The following MPPED2 variants were observed in gnomAD, a reference collection of about 807,000 sequenced individuals.
MPPED2 encodes metallophosphoesterase MPPED2.
MPPED2 carries 5 observed loss-of-function variants against 33.0 expected under a neutral mutation model. That is an observed-to-expected ratio of 0.15 (90% CI 0.08 to 0.32). The LOEUF is 0.32. Ranked by LOEUF, MPPED2 falls within the 10% of genes least tolerant of loss-of-function variation. The pLI is 1.00. For synonymous variants in MPPED2, 136 were observed against 141.9 expected (o/e 0.96, Z 0.29); for missense variants, 275 against 372.1 (o/e 0.74, Z 2.15).
intron 5 of MPPED2, among the ~76,000 whole-genome samples, chr11:30,416,245 G>A (rs185260766): frequency 2.6e-4 from 40 of 152,358 alleles, no homozygotes; most frequent in African/African-American, 8.9e-4. Flanking sequence ...TCCCATGTCT[G>A]CAACAGAGCT....
At chr11:30,436,115 C>T (rs189816912) in intron 4 of MPPED2, among the ~76,000 whole-genome samples, 149 of 132,702 alleles carry the variant, frequency 1.1e-3, no homozygotes, top group African/African-American at 4.1e-3. Context: ...GATAAGAGAG[C>T]TTAGTATTTT....
rs1481682526 is a variant in MPPED2 at position 30,410,990 on chromosome 11, T to C, written c.*478A>G. ...CTTCTGTTGAGAAGATTGCTATAAA[T>C]TGGGACCACATCTGCAAAAAAGAAG... On this transcript the variant is annotated 3_prime_UTR_variant, in exon 7 of 7. Coordinates refer to ENST00000358117, the MANE Select transcript of MPPED2 (RefSeq NM_001584.3). 2.0e-6 allele frequency: 2 copies of C among 985,630 alleles called. No homozygotes were observed. Among genetic ancestry groups the C allele is most frequent in the Non-Finnish European group, 2.4e-6 (2 of 829,940 alleles). The allele number at this position is 985,630 out of a possible 1,614,324, so 61.1% of individuals were successfully genotyped here.
intron 3 of MPPED2, among the ~76,000 whole-genome samples, chr11:30,498,517 C>T (rs945911149): frequency 1.9e-4 from 28 of 149,374 alleles, no homozygotes; most frequent in Admixed American, 5.4e-4. Flanking sequence ...CACTGTACTC[C>T]AGCCTGGGTG....
chr11:30,505,672 C>T (rs901396628), intron 3 of MPPED2, among the ~76,000 whole-genome samples: 10 of 152,254 alleles, frequency 6.6e-5, no homozygotes, highest in Non-Finnish European at 1.3e-4. Context: ...ATTAGAAAAC[C>T]GCATCCAAAT....
intron 6 of MPPED2, among the ~76,000 whole-genome samples, chr11:30,413,010 C>T (rs1361249866): frequency 6.6e-6 from 1 of 152,154 alleles, no homozygotes; most frequent in Non-Finnish European, 1.5e-5. Flanking sequence ...TCCATCATAC[C>T]TTAGGGCAGT....
chr11:30,559,815 T>A (rs1035900652), intron 2 of MPPED2, among the ~76,000 whole-genome samples: 1 of 152,268 alleles, frequency 6.6e-6, no homozygotes, highest in Non-Finnish European at 1.5e-5. Flanking sequence ...TCATTATGAC[T>A]GGCATGCCTT....
intron 2 of MPPED2, among the ~76,000 whole-genome samples, chr11:30,560,768 T>G (rs985874337): frequency 2.4e-4 from 37 of 152,352 alleles, no homozygotes; most frequent in African/African-American, 8.2e-4. Context: ...AAATGCAATC[T>G]TGCTGATTAC....
chr11:30,481,399 C>A (rs1455082721), intron 4 of MPPED2, among the ~76,000 whole-genome samples: 2 of 152,114 alleles, frequency 1.3e-5, no homozygotes, highest in Non-Finnish European at 2.9e-5. Flanking sequence ...CGTATAAAAA[C>A]CAAATTTCAC....
At chr11:30,454,986 A>C (rs1950220112) in intron 4 of MPPED2, among the ~76,000 whole-genome samples, 1 of 152,218 alleles carries the variant, frequency 6.6e-6, no homozygotes, top group Non-Finnish European at 1.5e-5. Context: ...TGTACTCAAC[A>C]CATTTAGATC....
At chr11:30,549,252 C>T (rs1293498208) in intron 2 of MPPED2, among the ~76,000 whole-genome samples, 1 of 152,176 alleles carries the variant, frequency 6.6e-6, no homozygotes, top group South Asian at 2.1e-4. Context: ...GGTTATATGT[C>T]ATTTCTACAT....
chr11:30,505,904 A>G (rs1206411517), intron 3 of MPPED2, among the ~76,000 whole-genome samples: 1 of 152,200 alleles, frequency 6.6e-6, no homozygotes, highest in Non-Finnish European at 1.5e-5. Flanking sequence ...TAGCTTCACA[A>G]TACTCATCAG....
At chr11:30,468,262 T>C (rs199517758) in intron 4 of MPPED2, among the ~76,000 whole-genome samples, 1 of 64,288 alleles carries the variant, frequency 1.6e-5, no homozygotes, top group Non-Finnish European at 5.0e-5. Context: ...ACACACTCTC[T>C]CTCTCTCTCT....
chr11:30,453,533 G>A (rs945326367), intron 4 of MPPED2, among the ~76,000 whole-genome samples: 3 of 152,172 alleles, frequency 2.0e-5, no homozygotes, highest in Non-Finnish European at 4.4e-5. Context: ...AGTGGTTAAC[G>A]CCAAGCCCTA....
chr11:30,519,328 G>C (rs897318381), intron 3 of MPPED2, among the ~76,000 whole-genome samples: 1 of 151,794 alleles, frequency 6.6e-6, no homozygotes, highest in African/African-American at 2.4e-5. Flanking sequence ...GTGTGTGTGG[G>C]TGTGTATACA....
intron 6 of MPPED2, among the ~76,000 whole-genome samples, chr11:30,412,276 A>G (rs1948142000): frequency 6.7e-6 from 1 of 150,374 alleles, no homozygotes; most frequent in South Asian, 2.1e-4. Flanking sequence ...CCCATATGCA[A>G]TATAAACCTT....
chr11:30,506,050 ATT>A (rs1247430331), intron 3 of MPPED2, among the ~76,000 whole-genome samples: 2 of 151,940 alleles, frequency 1.3e-5, no homozygotes, highest in Non-Finnish European at 2.9e-5. Flanking sequence ...ATTATTATTA[ATT>A]TTTGAAATGG....
At chr11:30,403,467 T>C (rs375165682) in intron 6 of MPPED2, among the ~76,000 whole-genome samples, 1 of 152,198 alleles carries the variant, frequency 6.6e-6, no homozygotes, top group African/African-American at 2.4e-5. Context: ...CCTACAGAAT[T>C]GATTTCAACA....
intron 2 of MPPED2, among the ~76,000 whole-genome samples, chr11:30,564,918 A>G (rs996542594): frequency 6.6e-6 from 1 of 152,174 alleles, no homozygotes; most frequent in Admixed American, 6.5e-5. Flanking sequence ...GTGGCTGTTC[A>G]TGTAAACAAT....
At position 30,580,335 on chromosome 11, in the gene MPPED2, T is replaced by C; in HGVS notation, c.39A>G (p.Ile13Met). ...GGTTTGAGCTGTACTCATCCACCGT[T>C]ATGGTAACTTTGCCTTGAGAAGGAA... ...HGIPSQGKVT[I>M]TVDEYSSNPT... is the part of the protein sequence containing the mutation. The change falls in exon 2 of 7, where the codon ATA becomes ATG. Residue 13 changes from isoleucine (I) to methionine (M), a missense_variant. Coordinates refer to ENST00000358117, the MANE Select transcript of MPPED2 (RefSeq NM_001584.3). 2 of 1,614,128 alleles carry C rather than the reference T, an allele frequency of 1.2e-6. No individual in the cohort carries two copies. The highest frequency in any genetic ancestry group is 2.2e-5 in the South Asian group (2 of 91,082).
Sources: gnomAD v4.1 joint callset for allele counts (sites outside exome capture counted in the v4.1 genomes callset) on GRCh38, gnomAD v4.1.1 for gene constraint, MANE v1.5 for transcripts, NCBI Gene and HGNC (gene_info 2026-07-23, HGNC 2026-07-21) for gene names.